Variants in NRG1 observed in about 807,000 individuals in gnomAD.
NRG1 encodes the protein pro-neuregulin-1, membrane-bound isoform.
A neutral mutation model predicts 63.8 loss-of-function variants in NRG1; 18 were observed. The ratio of observed to expected loss-of-function variants is 0.28; its 90% CI spans 0.19 to 0.42. The LOEUF is 0.42. Among genes scored for constraint, NRG1 ranks in the 10% least tolerant of loss-of-function variants. The probability of loss-of-function intolerance (pLI) is 1.00; values close to 1 mark genes in which losing one functional copy is unlikely to be tolerated. For missense variants in NRG1, 762 were observed against 814.7 expected (o/e 0.94, Z 0.79); for synonymous variants, 302 against 301.3 (o/e 1.00, Z -0.02).
At chr8:31,641,416 A>G (rs1803774535) in intron 1 of NRG1, among the ~76,000 whole-genome samples, 1 of 151,994 alleles carries the variant, frequency 6.6e-6, no homozygotes, top group African/African-American at 2.4e-5. Flanking sequence ...ACTTCACTGC[A>G]TCAGAACAGA....
At chr8:32,218,609 T>C (rs1042904615) in intron 1 of NRG1, among the ~76,000 whole-genome samples, 2 of 152,240 alleles carry the variant, frequency 1.3e-5, no homozygotes, top group Non-Finnish European at 2.9e-5. Flanking sequence ...TTTCCTTCCC[T>C]GGTCTCCAGA....
intron 1 of NRG1, among the ~76,000 whole-genome samples, chr8:31,721,421 T>G (rs78670876): frequency 0.011 from 1,662 of 152,298 alleles, 34 homozygotes; most frequent in African/African-American, 0.038. Context: ...CTCCCCCTTA[T>G]GCATACATTT....
At chr8:32,323,754 A>G (rs1381601059) in intron 1 of NRG1, among the ~76,000 whole-genome samples, 2 of 152,198 alleles carry the variant, frequency 1.3e-5, no homozygotes, top group Non-Finnish European at 2.9e-5. Context: ...AAAGGATTCA[A>G]TATCTGGGTT....
intron 5 of NRG1, among the ~76,000 whole-genome samples, chr8:32,640,271 A>ACACACACG (rs1299313079): frequency 1.4e-3 from 215 of 151,326 alleles, no homozygotes; most frequent in Non-Finnish European, 2.7e-3. Context: ...ACACACACAC[A>ACACACACG]CACGCACGCA....
intron 1 of NRG1, among the ~76,000 whole-genome samples, chr8:32,134,572 A>G (rs1410070597): frequency 2.0e-5 from 3 of 152,168 alleles, no homozygotes; most frequent in Non-Finnish European, 4.4e-5. Context: ...AAAAATATTT[A>G]TCATGCCAAG....
intron 1 of NRG1, among the ~76,000 whole-genome samples, chr8:32,106,172 A>G (rs750455623): frequency 2.0e-5 from 3 of 152,188 alleles, no homozygotes; most frequent in Non-Finnish European, 2.9e-5. Flanking sequence ...CTGTGTCTCT[A>G]ATTTTTCCAG....
intron 1 of NRG1, among the ~76,000 whole-genome samples, chr8:31,981,711 G>T (rs1311486230): frequency 6.6e-6 from 1 of 151,866 alleles, no homozygotes; most frequent in African/African-American, 2.4e-5. Context: ...TGGTCTCTTG[G>T]AATTTTAATA....
chr8:32,323,048 A>C (rs1161434418), intron 1 of NRG1, among the ~76,000 whole-genome samples: 1 of 151,980 alleles, frequency 6.6e-6, no homozygotes, highest in African/African-American at 2.4e-5. Context: ...TAACTTAATA[A>C]CCTTCCGTGA....
chr8:31,890,845 A>G (rs530298406), intron 1 of NRG1, among the ~76,000 whole-genome samples: 1 of 152,328 alleles, frequency 6.6e-6, no homozygotes, highest in Non-Finnish European at 1.5e-5. Context: ...ATGGAATCAA[A>G]CAGGAAACTC....
chr8:32,498,771 C>G (rs181145923), intron 1 of NRG1, among the ~76,000 whole-genome samples: 73 of 152,270 alleles, frequency 4.8e-4, no homozygotes, highest in African/African-American at 1.7e-3. Flanking sequence ...TAACATGGGT[C>G]ACTTTTTTCT....
chr8:31,762,983 C>A (rs1427480403), intron 1 of NRG1, among the ~76,000 whole-genome samples: 1 of 151,998 alleles, frequency 6.6e-6, no homozygotes, highest in East Asian at 1.9e-4. Context: ...TGCATAAAGA[C>A]AAATTTACCA....
chr8:32,257,877 G>T (rs1470497533), intron 1 of NRG1, among the ~76,000 whole-genome samples: 1 of 152,162 alleles, frequency 6.6e-6, no homozygotes, highest in African/African-American at 2.4e-5. Flanking sequence ...TCATTTAAAA[G>T]AAAGATTAGT....
intron 1 of NRG1, among the ~76,000 whole-genome samples, chr8:31,940,088 G>T (rs1215963822): frequency 6.6e-6 from 1 of 152,002 alleles, no homozygotes; most frequent in Admixed American, 6.6e-5. Flanking sequence ...CCCAACAACT[G>T]CAGAGTATAC....
chr8:32,329,602 T>A (rs1433959863), intron 1 of NRG1, among the ~76,000 whole-genome samples: 3 of 152,180 alleles, frequency 2.0e-5, no homozygotes, highest in Non-Finnish European at 4.4e-5. Flanking sequence ...GGTTCGTCAC[T>A]GCTGTTGTGG....
intron 1 of NRG1, among the ~76,000 whole-genome samples, chr8:31,948,086 A>C (rs1802907692): frequency 6.6e-6 from 1 of 152,160 alleles, no homozygotes; most frequent in African/African-American, 2.4e-5. Flanking sequence ...GCGCATGCAC[A>C]TATACACACA....
chr8:31,958,106 T>C (rs1348090830), intron 1 of NRG1, among the ~76,000 whole-genome samples: 2 of 118,356 alleles, frequency 1.7e-5, no homozygotes, highest in Admixed American at 1.8e-4. Flanking sequence ...TAGGCAGAGA[T>C]GTTTGTGTGT....
intron 1 of NRG1, among the ~76,000 whole-genome samples, chr8:32,387,280 G>T (rs1321130826): frequency 1.3e-5 from 2 of 152,234 alleles, no homozygotes; most frequent in Non-Finnish European, 2.9e-5. Flanking sequence ...CTATTGTGAT[G>T]TCATCAACAA....
At chr8:32,609,693 G>T (rs1376454298) in intron 3 of NRG1, among the ~76,000 whole-genome samples, 1 of 126,100 alleles carries the variant, frequency 7.9e-6, no homozygotes, top group South Asian at 2.5e-4. Flanking sequence ...ATGGTGTTTC[G>T]CTGTGTCACC....
intron 1 of NRG1, among the ~76,000 whole-genome samples, chr8:31,752,863 A>G (rs1183010414): frequency 6.6e-6 from 1 of 152,110 alleles, no homozygotes; most frequent in African/African-American, 2.4e-5. Flanking sequence ...GACTTTATAA[A>G]GAGCATAAAC....
Sources: allele counts gnomAD v4.1 joint callset (sites outside exome capture counted in the v4.1 genomes callset), GRCh38; gene constraint gnomAD v4.1.1; transcripts MANE v1.5; gene names NCBI Gene and HGNC (gene_info 2026-07-23, HGNC 2026-07-21).